Variants in SGCD observed in about 807,000 individuals in gnomAD.
The protein encoded by SGCD is sarcoglycan delta.
In SGCD, 18 loss-of-function variants were observed where a neutral mutation model predicts 36.6. The observed-to-expected ratio is 0.49, with a 90% CI of 0.34 to 0.73. The LOEUF is 0.73. SGCD is among the 30% of genes least tolerant of loss of function. SGCD has a pLI of 0.01. For synonymous variants in SGCD, 133 were observed against 130.6 expected (o/e 1.02, Z -0.12); for missense variants, 387 against 346.7 (o/e 1.12, Z -0.92).
intron 3 of SGCD, among the ~76,000 whole-genome samples, chr5:156,267,408 A>G (rs1766029740): frequency 6.6e-6 from 1 of 152,186 alleles, no homozygotes; most frequent in South Asian, 2.1e-4. Flanking sequence ...AAAAATGTTG[A>G]ATTTTTGCCA....
At chr5:156,014,231 T>C (rs1481458736) in intron 1 of SGCD, among the ~76,000 whole-genome samples, 1 of 152,152 alleles carries the variant, frequency 6.6e-6, no homozygotes, top group Non-Finnish European at 1.5e-5. Context: ...CTTGGTACTT[T>C]GCTCATTCAG....
chr5:156,331,876 C>T (rs957235209), intron 2 of SGCD, among the ~76,000 whole-genome samples: 1 of 152,186 alleles, frequency 6.6e-6, no homozygotes, highest in Non-Finnish European at 1.5e-5. Context: ...GGGAACAGAG[C>T]CACGCTGTGT....
At chr5:155,835,002 A>ATTTTTTTTT in the SGCD span, among the ~76,000 whole-genome samples, 57 of 60,176 alleles carry the variant, frequency 9.5e-4, 8 homozygotes, top group South Asian at 4.6e-3. Flanking sequence ...TGCCCAGCTA[A>ATTTTTTTTT]TTTTTTTTTT....
intron 3 of SGCD, among the ~76,000 whole-genome samples, chr5:156,169,525 CCTT>C (rs1431745506): frequency 2.3e-4 from 35 of 152,054 alleles, no homozygotes; most frequent in Admixed American, 2.2e-3. Flanking sequence ...TTGAGTATCT[CCTT>C]TAATGGTATT....
At chr5:155,929,539 T>C (rs921492006) in intron 1 of SGCD, among the ~76,000 whole-genome samples, 1 of 152,152 alleles carries the variant, frequency 6.6e-6, no homozygotes, top group African/African-American at 2.4e-5. Context: ...GCTCAGCTCA[T>C]AGAGTAGCCT....
At chr5:156,343,908 C>T (rs2871924) in intron 2 of SGCD, among the ~76,000 whole-genome samples, 115,825 of 152,050 alleles carry the variant, frequency 0.76, 44,668 homozygotes, top group East Asian at 0.92. Context: ...CTATCACTTG[C>T]TGAAGATTCC....
At chr5:156,579,615 A>C (rs1760154665) in intron 4 of SGCD, among the ~76,000 whole-genome samples, 1 of 152,192 alleles carries the variant, frequency 6.6e-6, no homozygotes, top group African/African-American at 2.4e-5. Flanking sequence ...GTGCATATAT[A>C]TTTAGGATAG....
chr5:156,689,952 G>A (rs1418578740), intron 7 of SGCD, among the ~76,000 whole-genome samples: 2 of 152,142 alleles, frequency 1.3e-5, no homozygotes, highest in African/African-American at 2.4e-5. Flanking sequence ...GTCTTGTAGT[G>A]TCTGTGATAT....
chr5:155,993,185 G>A (rs533578715), intron 1 of SGCD, among the ~76,000 whole-genome samples: 10 of 152,036 alleles, frequency 6.6e-5, no homozygotes, highest in Non-Finnish European at 1.0e-4. Flanking sequence ...CTCTTGCCCC[G>A]CCATGGAACA....
chr5:156,590,882 C>T (rs777586589), intron 5 of SGCD, among the ~76,000 whole-genome samples: 8 of 151,196 alleles, frequency 5.3e-5, no homozygotes, highest in East Asian at 1.9e-4. Context: ...TCTCTCTTCT[C>T]GTCTCTCTTC....
rs538128697 is a variant in SGCD at position 155,902,058 on chromosome 5, C to T, written c.-282+31634C>T. Among the ~76,000 whole-genome samples, 5 of 152,236 alleles carry T rather than the reference C, an allele frequency of 3.3e-5. No individual in the cohort carries two copies. In the South Asian group the frequency reaches 8.3e-4, roughly 25 times the overall value. On this transcript the variant is annotated intron_variant, in intron 1 of 9. Transcript: ENST00000517913. ...GATTTAACCAACTTGAAATTGTAGG[C>T]TCCCACAGTTTTGGATCTTCTCGGT...
At chr5:156,541,079 G>A (rs1005084952) in intron 4 of SGCD, among the ~76,000 whole-genome samples, 7 of 152,262 alleles carry the variant, frequency 4.6e-5, no homozygotes, top group African/African-American at 1.4e-4. Context: ...CAAGAGTAAT[G>A]AGGATAATTT....
rs74511043 is a variant in SGCD, at chr5:156,500,628, A to G, written c.193-7973A>G. ...ATTAGTGGGAAAAACTGTTTTACACACCTATCAAAATATCAAAAATTGCAC... is the reference window on the plus strand; with the variant it reads ...ATTAGTGGGAAAAACTGTTTTACACGCCTATCAAAATATCAAAAATTGCAC... On this transcript the variant is annotated intron_variant, in intron 3 of 8. Transcript: ENST00000337851. 1.0e-3 allele frequency among the ~76,000 whole-genome samples: 157 copies of G among 152,328 alleles called. 1 individual carries two copies. Among genetic ancestry groups the G allele is most frequent in the Non-Finnish European group, 1.2e-4 (8 of 68,022 alleles).
At chr5:156,282,625 A>G (rs1395519115) in intron 3 of SGCD, among the ~76,000 whole-genome samples, 1 of 152,180 alleles carries the variant, frequency 6.6e-6, no homozygotes, top group Non-Finnish European at 1.5e-5. Context: ...GTTGGATGCT[A>G]TTAGATCCTT....
intron 7 of SGCD, among the ~76,000 whole-genome samples, chr5:156,695,006 G>A (rs1179187438): frequency 6.6e-6 from 1 of 152,082 alleles, no homozygotes; most frequent in Non-Finnish European, 1.5e-5. Flanking sequence ...GAATTTTTGT[G>A]TTTCCTTCCT....
chr5:155,833,946 C>G, the SGCD span, among the ~76,000 whole-genome samples: 1 of 152,188 alleles, frequency 6.6e-6, no homozygotes, highest in Admixed American at 6.5e-5. Context: ...CTTAGAGACC[C>G]TACACTGAGT....
chr5:156,366,667 A>G (rs1257354336), intron 3 of SGCD, among the ~76,000 whole-genome samples: 2 of 152,222 alleles, frequency 1.3e-5, no homozygotes, highest in Non-Finnish European at 2.9e-5. Flanking sequence ...CTAGAACTGG[A>G]GCTAACATAG....
intron 3 of SGCD, among the ~76,000 whole-genome samples, chr5:156,357,767 A>G (rs543377094): frequency 1.3e-5 from 2 of 152,318 alleles, no homozygotes; most frequent in Admixed American, 1.3e-4. Flanking sequence ...ACCTCACTGA[A>G]TGCTTGTGTA....
chr5:156,153,669 A>T (rs1762880602), intron 3 of SGCD, among the ~76,000 whole-genome samples: 1 of 151,558 alleles, frequency 6.6e-6, no homozygotes, highest in Non-Finnish European at 1.5e-5. Context: ...TCCTTGGGTG[A>T]TTTTGTAGCC....
Sources: allele counts gnomAD v4.1 joint callset (sites outside exome capture counted in the v4.1 genomes callset), GRCh38; gene constraint gnomAD v4.1.1; transcripts MANE v1.5; gene names NCBI Gene and HGNC (gene_info 2026-07-23, HGNC 2026-07-21).